The following GPBP1 variants were observed in gnomAD, a reference collection of about 807,000 sequenced individuals.
GPBP1 encodes the protein vasculin.
In GPBP1, 13 loss-of-function variants were observed where a neutral mutation model predicts 56.5. That is an observed-to-expected ratio of 0.23 (90% CI 0.15 to 0.37). GPBP1 has a LOEUF of 0.37. Among genes scored for constraint, GPBP1 ranks in the 10% least tolerant of loss-of-function variants. The pLI is 1.00. For missense variants in GPBP1, 477 were observed against 572.3 expected (o/e 0.83, Z 1.70); for synonymous variants, 204 against 188.9 (o/e 1.08, Z -0.66).
rs760072979 is a variant in GPBP1 at position 57,246,295 on chromosome 5, T to C, written c.479-5T>C. 1 of 1,607,056 alleles carries C rather than the reference T, an allele frequency of 6.2e-7. No individual in the cohort carries two copies. Among genetic ancestry groups the C allele is most frequent in the Non-Finnish European group, 8.5e-7 (1 of 1,175,946 alleles). The stretch of plus-strand genomic sequence containing the variant: ...GTGACTCTTGGTCATGCTTTATTTA[T>C]GCAGAATATCCTCCGAATCCTAAAT... On this transcript the variant is annotated splice_region_variant and splice_polypyrimidine_tract_variant and intron_variant, in intron 6 of 11. Coordinates refer to ENST00000506184, the MANE Select transcript of GPBP1 (RefSeq NM_022913.4).
At chr5:57,239,903 T>C (rs1450239012) in intron 6 of GPBP1, among the ~76,000 whole-genome samples, 1 of 152,228 alleles carries the variant, frequency 6.6e-6, no homozygotes. Context: ...TGCTGCCTTA[T>C]AGAGTCTTTG....
At chr5:57,224,758 A>G (rs1237591726) in intron 3 of GPBP1, among the ~76,000 whole-genome samples, 1 of 152,134 alleles carries the variant, frequency 6.6e-6, no homozygotes, top group Non-Finnish European at 1.5e-5. Flanking sequence ...ATCCCTGGAC[A>G]TGATGTTGCT....
At chr5:57,248,190 T>C (rs1344181205) in intron 8 of GPBP1, among the ~76,000 whole-genome samples, 1 of 152,170 alleles carries the variant, frequency 6.6e-6, no homozygotes, top group African/African-American at 2.4e-5. Flanking sequence ...TTTATTACTA[T>C]TAACACTGAT....
At chr5:57,199,997 T>C (rs1004010553) in intron 2 of GPBP1, among the ~76,000 whole-genome samples, 1 of 146,266 alleles carries the variant, frequency 6.8e-6, no homozygotes, top group African/African-American at 2.5e-5. Context: ...CGTGAGCCAC[T>C]GCGCCTGGCC....
rs1325873765 is a variant in GPBP1 at position 57,254,894 on chromosome 5, CTATTTT to C, written c.1160+3758_1160+3763del. Reference sequence around the variant, plus strand: ...GTGAACAGATGAATAAATAACCACACTATTTTTATTGCCTCCCAAATTGTGGAACTT... The same window carrying C: ...GTGAACAGATGAATAAATAACCACACTATTGCCTCCCAAATTGTGGAACTT... On this transcript the variant is annotated intron_variant, in intron 10 of 11. Coordinates refer to ENST00000506184, the MANE Select transcript of GPBP1 (RefSeq NM_022913.4). 3.9e-5 allele frequency among the ~76,000 whole-genome samples: 6 copies of C among 152,276 alleles called. No individual in the cohort carries two copies. In the East Asian group the frequency reaches 1.2e-3, roughly 29 times the overall value.
intron 8 of GPBP1, among the ~76,000 whole-genome samples, chr5:57,248,224 A>AT (rs1561371475): frequency 6.6e-6 from 1 of 152,102 alleles, no homozygotes; most frequent in African/African-American, 2.4e-5. Context: ...GGAACAAGAG[A>AT]GAAAGGTATG....
intron 10 of GPBP1, among the ~76,000 whole-genome samples, chr5:57,255,259 C>T (rs1741606803): frequency 6.6e-6 from 1 of 152,088 alleles, no homozygotes; most frequent in African/African-American, 2.4e-5. Context: ...TCTTTCCTTT[C>T]CTCTTCCCCC....
At chr5:57,240,710 C>G (rs1028892472) in intron 6 of GPBP1, among the ~76,000 whole-genome samples, 2 of 152,260 alleles carry the variant, frequency 1.3e-5, no homozygotes, top group African/African-American at 4.8e-5. Context: ...TGGTGGCTCT[C>G]ACACCTGTAA....
In GPBP1 at chr5:57,176,262, C is replaced by A; in HGVS notation, c.-196C>A. The stretch of plus-strand genomic sequence containing the variant: ...TATGGGTAGCTGACTTGAAGTAACT[C>A]TATGTCAAATAGTCGTAGGTTAAGT... On this transcript the variant is annotated 5_prime_UTR_variant, in exon 2 of 12. Coordinates refer to ENST00000506184, the MANE Select transcript of GPBP1 (RefSeq NM_022913.4). 2.7e-6 allele frequency: 1 copy of A among 365,966 alleles called. No homozygotes were observed. 22.7% of individuals were successfully genotyped at this position (365,966 alleles called of 1,614,324 possible).
intron 2 of GPBP1, among the ~76,000 whole-genome samples, chr5:57,183,765 A>ATTTTTTTTTTTTTTTTTTTTTTTTTTTT (rs34608817): frequency 1.5e-5 from 2 of 133,282 alleles, no homozygotes; most frequent in African/African-American, 2.8e-5. Context: ...GGGGATATGA[A>ATTTTTTTTTTTTTTTTTTTTTTTTTTTT]TTTTTTTTTT....
chr5:57,192,326 G>C (rs1407367629), intron 2 of GPBP1, among the ~76,000 whole-genome samples: 1 of 152,150 alleles, frequency 6.6e-6, no homozygotes, highest in Non-Finnish European at 1.5e-5. Context: ...GAGGACAGTA[G>C]TCTGTTTGGG....
At chr5:57,208,899 C>T (rs915486403) in intron 2 of GPBP1, among the ~76,000 whole-genome samples, 4 of 152,062 alleles carry the variant, frequency 2.6e-5, no homozygotes, top group African/African-American at 4.8e-5. Context: ...ATGTGATCCA[C>T]CTGCCTGGGC....
At chr5:57,220,253 G>A (rs970156267) in intron 3 of GPBP1, among the ~76,000 whole-genome samples, 6 of 151,884 alleles carry the variant, frequency 4.0e-5, no homozygotes, top group Admixed American at 3.3e-4. Flanking sequence ...GCCTCCCAAA[G>A]TGTGATTACA....
At chr5:57,228,743 CAA>C (rs552501115) in intron 3 of GPBP1, among the ~76,000 whole-genome samples, 2 of 147,566 alleles carry the variant, frequency 1.4e-5, no homozygotes, top group Non-Finnish European at 3.0e-5. Context: ...GGGCATAATA[CAA>C]AAAAATTTTT....
intron 2 of GPBP1, among the ~76,000 whole-genome samples, chr5:57,183,501 C>G (rs1269124334): frequency 6.6e-6 from 1 of 152,008 alleles, no homozygotes; most frequent in African/African-American, 2.4e-5. Context: ...GAAATTAGCC[C>G]AGGTCAGTAG....
At chr5:57,246,197 T>TTAA (rs1741080433) in intron 6 of GPBP1, 103 bp from the exon 7 acceptor site, 1 of 641,770 alleles carries the variant, frequency 1.6e-6, no homozygotes, top group African/African-American at 1.9e-5. Context: ...AGCTGTTAGT[T>TTAA]AAAAAAAAAA....
chr5:57,226,814 A>G (rs1756220030), intron 3 of GPBP1, among the ~76,000 whole-genome samples: 1 of 135,204 alleles, frequency 7.4e-6, no homozygotes, highest in East Asian at 2.0e-4. Flanking sequence ...ATCTCTGCTC[A>G]CTGCAAGCTC....
intron 2 of GPBP1, among the ~76,000 whole-genome samples, chr5:57,178,878 T>A (rs1753914122): frequency 6.6e-6 from 1 of 152,082 alleles, no homozygotes; most frequent in Non-Finnish European, 1.5e-5. Flanking sequence ...TTTGTCCCTT[T>A]CTAAACTGTA....
At chr5:57,225,278 G>GA (rs1285890510) in intron 3 of GPBP1, among the ~76,000 whole-genome samples, 1 of 143,272 alleles carries the variant, frequency 7.0e-6, no homozygotes, top group Non-Finnish European at 1.5e-5. Flanking sequence ...CTAACATGGT[G>GA]AAACCCCGTC....
Sources: allele counts gnomAD v4.1 joint callset (sites outside exome capture counted in the v4.1 genomes callset), GRCh38; gene constraint gnomAD v4.1.1; transcripts MANE v1.5; gene names NCBI Gene and HGNC (gene_info 2026-07-23, HGNC 2026-07-21).